RPN1: variants seen among roughly 807,000 people sequenced by gnomAD.
RPN1 encodes ribophorin I.
Under a neutral mutation model 55.5 loss-of-function variants are expected in RPN1, and 12 were observed. The ratio of observed to expected loss-of-function variants is 0.22; its 90% CI spans 0.14 to 0.35. The LOEUF (loss-of-function observed/expected upper bound fraction) is 0.35. Among genes scored for constraint, RPN1 ranks in the 10% least tolerant of loss-of-function variants. The pLI, the probability that RPN1 is intolerant of heterozygous loss-of-function variation, is 1.00. For missense variants in RPN1, 679 were observed against 761.3 expected, an observed-to-expected ratio of 0.89 and a Z score of 1.27; for synonymous variants, 317 against 305.9, an observed-to-expected ratio of 1.04 and a Z score of -0.38.
intron 2 of RPN1, among the ~76,000 whole-genome samples, chr3:128,640,165 C>A (rs568572839): frequency 6.6e-6 from 1 of 151,828 alleles, no homozygotes; most frequent in South Asian, 2.1e-4. Flanking sequence ...GAGCGAGAAT[C>A]CATCTCAAAA....
chr3:128,644,019 C>T (rs1229240094), intron 2 of RPN1, among the ~76,000 whole-genome samples: 1 of 152,186 alleles, frequency 6.6e-6, no homozygotes, highest in East Asian at 1.9e-4. Context: ...TTAACCCCAC[C>T]CAGCCTTCAC....
intron 1 of RPN1, among the ~76,000 whole-genome samples, chr3:128,647,905 T>C (rs2069780753): frequency 6.6e-6 from 1 of 152,140 alleles, no homozygotes; most frequent in African/African-American, 2.4e-5. Context: ...CACTGGCTCC[T>C]AGTCAGTAAC....
intron 1 of RPN1, 131 bp from the exon 2 acceptor site, chr3:128,645,114 T>G: frequency 1.6e-6 from 1 of 626,922 alleles, no homozygotes; most frequent in Non-Finnish European, 2.8e-6. Flanking sequence ...AGATTGAATT[T>G]TCTTTTCAGT....
In RPN1 at chr3:128,638,092, T is replaced by C. The variant is rs776322483; in HGVS notation, c.340A>G (p.Thr114Ala). 6.2e-7 allele frequency: 1 copy of C among 1,611,972 alleles called. No individual in the cohort carries two copies. The highest frequency in any genetic ancestry group is 8.5e-7 in the Non-Finnish European group (1 of 1,178,164). Residue 114 changes from threonine to alanine, a missense_variant, in exon 3 of 10, where the codon ACA (threonine) becomes GCA (alanine). By Grantham distance (58) the Thr-to-Ala change is moderately conservative. Coordinates refer to ENST00000296255, the MANE Select transcript of RPN1 (RefSeq NM_002950.4). ...TCAAGAGCAACTGGGAGCTTGACTG[T>C]GAAGAATCTCCCACTAAAGGAAGAA... ...KIKGKSGRFF[T>A]VKLPVALDPG...
At chr3:128,645,559 C>G (rs2069760867) in intron 1 of RPN1, among the ~76,000 whole-genome samples, 1 of 152,112 alleles carries the variant, frequency 6.6e-6, no homozygotes, top group Admixed American at 6.6e-5. Flanking sequence ...TAGCTCACAC[C>G]TGTAATCCCA....
intron 3 of RPN1, among the ~76,000 whole-genome samples, chr3:128,634,751 C>CG (rs1273429207): frequency 6.6e-6 from 1 of 151,864 alleles, no homozygotes. Context: ...TTAGTAGAGA[C>CG]GGGGTTTCAC....
Position 128,637,807 on chromosome 3 carries a change from A to T in RPN1, c.625T>A (p.Tyr209Asn). ...ACTCCACCTGAGCTTACCTGACTAT[A>T]GGCAGGCACATCTCTGAAAGGCCCA... is the stretch of plus-strand genomic sequence containing the variant. Reference protein sequence around the residue: ...DYGPFRDVPAYSQDTFKVHYE... With the variant: ...DYGPFRDVPANSQDTFKVHYE... The change falls in exon 3 of 10, where the codon TAT (tyrosine) becomes AAT (asparagine). Residue 209 changes from tyrosine (Y) to asparagine (N), a missense_variant. Tyr to Asn is a moderately radical substitution (Grantham distance 143). Transcript: ENST00000296255. 6.2e-7 allele frequency: 1 copy of T among 1,611,606 alleles called. No individual in the cohort carries two copies. Among genetic ancestry groups the T allele is most frequent in the East Asian group, 2.2e-5 (1 of 44,858 alleles).
At chr3:128,644,621 C>T (rs868245120) in intron 2 of RPN1, 1 of 538,056 alleles carries the variant, frequency 1.9e-6, no homozygotes, top group African/African-American at 1.9e-5. Flanking sequence ...CATGGCACCA[C>T]AGTAATGGAG....
chr3:128,644,689 T>C, intron 2 of RPN1: 1 of 651,920 alleles, frequency 1.5e-6, no homozygotes, highest in Non-Finnish European at 2.8e-6. Flanking sequence ...ACAGATGCAG[T>C]GGTTCACACC....
chr3:128,629,870 C>CT (rs751332231), intron 5 of RPN1, 81 bp downstream of exon 5: 13 of 775,054 alleles, frequency 1.7e-5, no homozygotes, highest in Non-Finnish European at 2.5e-5. Flanking sequence ...CACACCCCAT[C>CT]TATAAAGACT....
chr3:128,629,759 T>C (rs1382553223), intron 5 of RPN1, among the ~76,000 whole-genome samples, 192 bp downstream of exon 5: 1 of 152,178 alleles, frequency 6.6e-6, no homozygotes, highest in African/African-American at 2.4e-5. Context: ...ACTGTTCGGA[T>C]TGACTATCAA....
intron 8 of RPN1, among the ~76,000 whole-genome samples, chr3:128,624,241 T>C (rs1318508047): frequency 2.0e-5 from 3 of 152,088 alleles, no homozygotes; most frequent in Non-Finnish European, 4.4e-5. Flanking sequence ...TCCCAGCACT[T>C]TGGGAGGCCG....
intron 1 of RPN1, among the ~76,000 whole-genome samples, chr3:128,646,699 G>A (rs1211071862): frequency 7.0e-6 from 1 of 142,954 alleles, no homozygotes; most frequent in Non-Finnish European, 1.5e-5. Context: ...AAAAAAAAAA[G>A]TTGGCCGGGT....
rs1559756922 is a variant in RPN1, at chr3:128,639,166, C to T, written c.327-1061G>A. ...AAGAATAACTCCATTTAAAAACATA[C>T]ATAGACCCGGGGAGGGTGGCTTACG... On this transcript the variant is annotated intron_variant, in intron 2 of 9. Transcript: ENST00000296255. Among the ~76,000 whole-genome samples, 3 of 152,032 alleles carry T rather than the reference C, an allele frequency of 2.0e-5. No homozygotes were observed. In the South Asian group the frequency reaches 6.2e-4, roughly 32 times the overall value.
In RPN1 at chr3:128,622,212, T is replaced by A. The variant is rs1344697084; in HGVS notation, c.1593A>T (p.Ala531=). ...CTGTCTTCAGCCTGGACTGCAGCAG[T>A]GCAATCTCACTGGTCAAGGCCTTGT... ...TEHKALTSEI[A]LLQSRLKTEG... The change falls in exon 9 of 10, where the codon GCA becomes GCT. Residue 531 remains alanine (A), a synonymous_variant. Transcript: ENST00000296255. The A allele has an allele frequency of 3.1e-6, 5 of 1,614,060 alleles. No individual in the cohort carries two copies.
intron 3 of RPN1, among the ~76,000 whole-genome samples, chr3:128,636,258 C>G (rs1003209940): frequency 6.6e-6 from 1 of 151,942 alleles, no homozygotes; most frequent in Non-Finnish European, 1.5e-5. Context: ...CTCAGGAGTT[C>G]AAGACCAGCC....
chr3:128,645,571 C>T (rs1262225333), intron 1 of RPN1, among the ~76,000 whole-genome samples: 1 of 152,104 alleles, frequency 6.6e-6, no homozygotes, highest in Non-Finnish European at 1.5e-5. Flanking sequence ...GTAATCCCAA[C>T]ACTTTGGGAG....
chr3:128,644,388 C>T (rs974855955), intron 2 of RPN1: 8 of 250,432 alleles, frequency 3.2e-5, no homozygotes, highest in East Asian at 1.0e-4. Flanking sequence ...AATGGACTCA[C>T]GCCTATAATC....
chr3:128,621,400 T>A lies in RPN1; in HGVS notation c.1641+764A>T, dbSNP rs562222742. 7.2e-5 allele frequency among the ~76,000 whole-genome samples: 11 copies of A among 152,102 alleles called. No homozygotes were observed. The South Asian group carries it at 2.3e-3, about 32-fold the overall frequency. On this transcript the variant is annotated intron_variant, in intron 9 of 9. Coordinates refer to ENST00000296255, the MANE Select transcript of RPN1 (RefSeq NM_002950.4). ...CACCTGTGATCCCAGCTACTTGAGGTGGAAGGATCGCTTGAGCCTGGAGGT... is the reference window on the plus strand; with the variant it reads ...CACCTGTGATCCCAGCTACTTGAGGAGGAAGGATCGCTTGAGCCTGGAGGT...
Sources: gnomAD v4.1 joint callset for allele counts (sites outside exome capture counted in the v4.1 genomes callset) on GRCh38, gnomAD v4.1.1 for gene constraint, MANE v1.5 for transcripts, NCBI Gene and HGNC (gene_info 2026-07-23, HGNC 2026-07-21) for gene names.